Variants in F11 observed in about 807,000 individuals in gnomAD.
F11 encodes coagulation factor XI.
F11 carries 78 observed loss-of-function variants against 76.5 expected under a neutral mutation model. The observed-to-expected ratio is 1.02, with a 90% CI of 0.85 to 1.23. F11 has a LOEUF of 1.23. F11 is among the 50% of genes most tolerant of loss of function. F11 has a pLI of 0.00. For missense variants in F11, 742 were observed against 771.4 expected, an observed-to-expected ratio of 0.96 and a Z score of 0.45; for synonymous variants, 278 against 276.3, an observed-to-expected ratio of 1.01 and a Z score of -0.06.
At chr4:186,275,178 AAAGTT>A (rs1167960490) in intron 5 of F11, 2 of 456,952 alleles carry the variant, frequency 4.4e-6, no homozygotes, top group Non-Finnish European at 8.8e-6. Flanking sequence ...TAAGCAAGAT[AAAGTT>A]AAGTCATTAA....
In F11 at chr4:186,271,592, C is replaced by A. The variant is rs1580069946; in HGVS notation, c.56-17C>A. ...CAGTAAAATCCAACATAACGCATGC[C>A]ATGTACTACATCACAGAATGTGTGA... On this transcript the variant is annotated splice_polypyrimidine_tract_variant and intron_variant, in intron 2 of 14. Transcript: ENST00000403665. The A allele has an allele frequency of 2.5e-6, 4 of 1,613,848 alleles. No individual in the cohort carries two copies. In the East Asian group the frequency reaches 8.9e-5, roughly 36 times the overall value.
intron 7 of F11, among the ~76,000 whole-genome samples, 178 bp downstream of exon 7, chr4:186,276,568 C>T (rs1441091297): frequency 6.8e-6 from 1 of 147,588 alleles, no homozygotes; most frequent in African/African-American, 2.5e-5. Flanking sequence ...ACAAACCCAA[C>T]ATTACCGAGG....
intron 10 of F11, 106 bp downstream of exon 10, chr4:186,280,686 GA>G: frequency 9.5e-7 from 1 of 1,049,372 alleles, no homozygotes; most frequent in South Asian, 1.4e-5. Flanking sequence ...GAACATTCAG[GA>G]AATAACAAAT....
In F11 at chr4:186,286,395, C is replaced by G. The variant is rs1269830017; in HGVS notation, c.1481-20C>G. ...ATATATTTTGCGTCTCATATTTAAA[C>G]CACGATTTTTTAAATTTAGATTCTC... On this transcript the variant is annotated intron_variant, in intron 12 of 14. Coordinates refer to ENST00000403665, the MANE Select transcript of F11 (RefSeq NM_000128.4). 8 of 1,604,566 alleles carry G rather than the reference C, an allele frequency of 5.0e-6. No homozygotes were observed. The highest frequency in any genetic ancestry group is 6.8e-6 in the Non-Finnish European group (8 of 1,171,730).
intron 13 of F11, among the ~76,000 whole-genome samples, chr4:186,287,397 A>G (rs1166639457): frequency 6.6e-6 from 1 of 151,314 alleles, no homozygotes; most frequent in East Asian, 2.0e-4. Flanking sequence ...TGGCCTGGCC[A>G]ACATGGTGAA....
In F11 at chr4:186,284,248, A is replaced by G; in HGVS notation, c.1292A>G (p.His431Arg). Residue 431 changes from histidine (H) to arginine (R), a missense_variant, in exon 11 of 15, where the codon CAC becomes CGC. Transcript: ENST00000403665. Reference sequence around the variant, plus strand: ...AACCAGTGGATATTAACAGCCGCTCACTGTTTCTATGGGTCAGTACCACGG... The same window carrying G: ...AACCAGTGGATATTAACAGCCGCTCGCTGTTTCTATGGGTCAGTACCACGG... ...IGNQWILTAAHCFYGVESPKI... is the reference protein window; with the variant it reads ...IGNQWILTAARCFYGVESPKI... 1 of 1,614,068 alleles carries G rather than the reference A, an allele frequency of 6.2e-7. No homozygotes were observed. Among genetic ancestry groups the G allele is most frequent in the Non-Finnish European group, 8.5e-7 (1 of 1,179,898 alleles).
chr4:186,277,895 G>A (rs1740500326), intron 7 of F11, among the ~76,000 whole-genome samples: 1 of 152,064 alleles, frequency 6.6e-6, no homozygotes, highest in Non-Finnish European at 1.5e-5. Context: ...CACTTCCTAG[G>A]CTCAAGCAAT....
intron 1 of F11, 47 bp downstream of exon 1, chr4:186,266,342 G>A (rs749286081): frequency 3.3e-5 from 5 of 152,086 alleles, no homozygotes; most frequent in South Asian, 2.1e-4. Flanking sequence ...AAGCAAATAC[G>A]CCTTGAAATG....
downstream of F11, among the ~76,000 whole-genome samples, chr4:186,290,189 T>A (rs1356649571): frequency 6.6e-6 from 1 of 152,162 alleles, no homozygotes; most frequent in Non-Finnish European, 1.5e-5. Context: ...AAGAAGGACA[T>A]TTTTCACCAA....
At chr4:186,282,936 C>G in intron 10 of F11, 1 of 985,404 alleles carries the variant, frequency 1.0e-6, no homozygotes, top group Non-Finnish European at 1.2e-6. Context: ...TTGTTTTACA[C>G]CCACAAAACT....
At chr4:186,270,310 TCAAA>T (rs1224012896) in intron 2 of F11, among the ~76,000 whole-genome samples, 5 of 152,226 alleles carry the variant, frequency 3.3e-5, no homozygotes, top group East Asian at 1.9e-4. Flanking sequence ...ATCCATGCAC[TCAAA>T]CAACCTTGAC....
At chr4:186,270,142 A>T (rs1739824175) in intron 2 of F11, among the ~76,000 whole-genome samples, 1 of 152,230 alleles carries the variant, frequency 6.6e-6, no homozygotes, top group Non-Finnish European at 1.5e-5. Context: ...GAAAAATCCA[A>T]AATTAACCAT....
Position 186,285,663 on chromosome 4 carries a change from G to A in F11, c.1330G>A (p.Val444Ile). Residue 444 changes from valine (V) to isoleucine (I), a missense_variant, in exon 12 of 15, where the codon GTC becomes ATC. Val to Ile is a conservative substitution (Grantham distance 29). Transcript: ENST00000403665. ...GGTAGAGTCACCTAAGATTTTGCGT[G>A]TCTACAGTGGCATTTTAAATCAATC... ...YGVESPKILR[V>I]YSGILNQSEI... 1 of 1,614,096 alleles carries A rather than the reference G, an allele frequency of 6.2e-7. No individual in the cohort carries two copies. Among genetic ancestry groups the A allele is most frequent in the Non-Finnish European group, 8.5e-7 (1 of 1,180,016 alleles).
Position 186,278,407 on chromosome 4 carries a change from G to T in F11, c.756-1605G>T, listed in dbSNP as rs550226522. ...TTACTAAACAAATTTAGTAGAATTTGTTTGGTGCTTATTATGTATCAGGCA... is the reference window on the plus strand; with the variant it reads ...TTACTAAACAAATTTAGTAGAATTTTTTTGGTGCTTATTATGTATCAGGCA... On this transcript the variant is annotated intron_variant, in intron 7 of 14. Transcript: ENST00000403665. Among the ~76,000 whole-genome samples the T allele has an allele frequency of 8.5e-5, 13 of 152,294 alleles. No homozygotes were observed. The South Asian group carries it at 2.7e-3, about 32-fold the overall frequency.
downstream of F11, among the ~76,000 whole-genome samples, chr4:186,289,687 T>C (rs1741452185): frequency 6.6e-6 from 1 of 150,964 alleles, no homozygotes; most frequent in East Asian, 1.9e-4. Flanking sequence ...GTGTGATTTT[T>C]TTTTTTTTTT....
chr4:186,289,786 G>A (rs1741460068), downstream of F11, among the ~76,000 whole-genome samples: 1 of 151,028 alleles, frequency 6.6e-6, no homozygotes, highest in Non-Finnish European at 1.5e-5. Context: ...GGATTCAAGC[G>A]ATTGTCCTGC....
intron 7 of F11, among the ~76,000 whole-genome samples, chr4:186,278,987 AT>A (rs1740583456): frequency 6.6e-6 from 1 of 152,250 alleles, no homozygotes; most frequent in Non-Finnish European, 1.5e-5. Flanking sequence ...TTACTGACCA[AT>A]TCCTAGAATA....
intron 13 of F11, 62 bp downstream of exon 13, chr4:186,286,572 C>G (rs1741224315): frequency 6.2e-7 from 1 of 1,602,486 alleles, no homozygotes; most frequent in African/African-American, 1.3e-5. Context: ...CTTTTCTGCC[C>G]TGTCAAGTCA....
chr4:186,266,741 G>C (rs1420772541), intron 1 of F11, among the ~76,000 whole-genome samples: 3 of 152,090 alleles, frequency 2.0e-5, no homozygotes, highest in South Asian at 4.1e-4. Flanking sequence ...GAAAGATATA[G>C]GGAGAGGCCT....
Sources: gnomAD v4.1 joint callset for allele counts (sites outside exome capture counted in the v4.1 genomes callset) on GRCh38, gnomAD v4.1.1 for gene constraint, MANE v1.5 for transcripts, NCBI Gene and HGNC (gene_info 2026-07-23, HGNC 2026-07-21) for gene names.